Variants in DMD observed in about 807,000 individuals in gnomAD.
DMD encodes the protein dystrophin.
In DMD, 63 loss-of-function variants were observed where a neutral mutation model predicts 330.1. The ratio of observed to expected loss-of-function variants is 0.19; its 90% CI spans 0.16 to 0.24. The LOEUF (loss-of-function observed/expected upper bound fraction) is 0.24. DMD is among the 10% of genes least tolerant of loss of function. DMD has a pLI of 1.00. For synonymous variants in DMD, 1,223 were observed against 959.8 expected, an observed-to-expected ratio of 1.27 and a Z score of -5.07; for missense variants, 3,344 against 2,684.1, an observed-to-expected ratio of 1.25 and a Z score of -5.43.
At chrX:31,703,351 C>T (rs2083949507) in intron 52 of DMD, among the ~76,000 whole-genome samples, 1 of 112,309 alleles carries the variant, frequency 8.9e-6, no homozygotes, top group African/African-American at 3.2e-5. Flanking sequence ...TACAATGTTA[C>T]CACACACCTC....
At chrX:32,762,761 G>T (rs186185651) in intron 7 of DMD, among the ~76,000 whole-genome samples, 14 of 110,848 alleles carry the variant, frequency 1.3e-4, no homozygotes, top group African/African-American at 4.3e-4. Context: ...ACAGGGTCTT[G>T]CTGGCTGCTT....
intron 60 of DMD, among the ~76,000 whole-genome samples, chrX:31,431,842 G>C (rs1323028632): frequency 9.3e-6 from 1 of 107,602 alleles, no homozygotes; most frequent in African/African-American, 3.4e-5. Flanking sequence ...TTTAGATGGA[G>C]TCTCCCTCTC....
chrX:32,478,892 C>T (rs1052913036), intron 21 of DMD, among the ~76,000 whole-genome samples: 1 of 110,780 alleles, frequency 9.0e-6, no homozygotes, highest in Non-Finnish European at 1.9e-5. Context: ...TTTTATAAGT[C>T]ATAAAACTCC....
At chrX:31,342,277 T>C (rs2057815672) in intron 61 of DMD, among the ~76,000 whole-genome samples, 1 of 111,789 alleles carries the variant, frequency 8.9e-6, no homozygotes, top group Non-Finnish European at 1.9e-5. Context: ...CTACAACCTT[T>C]AGCAGAAATT....
At chrX:31,417,155 C>G (rs2061911621) in intron 60 of DMD, among the ~76,000 whole-genome samples, 2 of 112,105 alleles carry the variant, frequency 1.8e-5, no homozygotes, top group African/African-American at 6.5e-5. Flanking sequence ...CAGGAATGTT[C>G]ATTTGTTCCA....
chrX:31,330,479 C>G (rs950975335), intron 61 of DMD, among the ~76,000 whole-genome samples: 3 of 111,407 alleles, frequency 2.7e-5, no homozygotes, highest in African/African-American at 9.8e-5. Flanking sequence ...CACTAGTGAT[C>G]AGAGGCTGAA....
intron 43 of DMD, among the ~76,000 whole-genome samples, chrX:32,252,317 C>A (rs565037981): frequency 9.1e-6 from 1 of 110,065 alleles, no homozygotes; most frequent in South Asian, 3.8e-4. Context: ...TGCAGCATTT[C>A]TTTTTGTTAG....
intron 44 of DMD, among the ~76,000 whole-genome samples, chrX:32,060,325 A>G (rs1318923963): frequency 1.8e-5 from 2 of 111,654 alleles, no homozygotes; most frequent in Non-Finnish European, 3.8e-5. Context: ...TAAGAGACCT[A>G]GAAAAAAACT....
intron 53 of DMD, among the ~76,000 whole-genome samples, chrX:31,667,432 G>A (rs2081493118): frequency 9.0e-6 from 1 of 110,523 alleles, no homozygotes. Context: ...TTTTATTTCT[G>A]TTCAGCATAC....
chrX:32,966,850 C>A (rs983776388), intron 2 of DMD, among the ~76,000 whole-genome samples: 2 of 112,068 alleles, frequency 1.8e-5, no homozygotes, highest in East Asian at 5.6e-4. Context: ...TGATAAACAT[C>A]CTGCAGGGAC....
chrX:33,301,798 G>T (rs2053666764), intron 1 of DMD, among the ~76,000 whole-genome samples: 1 of 110,964 alleles, frequency 9.0e-6, no homozygotes, highest in East Asian at 2.9e-4. Flanking sequence ...CATTCATTAG[G>T]GCTCTGCCCT....
At chrX:32,806,486 A>G (rs1040363752) in intron 7 of DMD, among the ~76,000 whole-genome samples, 14 of 110,953 alleles carry the variant, frequency 1.3e-4, no homozygotes, top group African/African-American at 4.3e-4. Context: ...CAGACTCCCA[A>G]ACAATAATAG....
chrX:32,366,029 G>C (rs1341502155), intron 34 of DMD, among the ~76,000 whole-genome samples: 2 of 111,857 alleles, frequency 1.8e-5, no homozygotes, highest in Non-Finnish European at 3.8e-5. Flanking sequence ...CCCAATCCAA[G>C]TTCACAGACC....
intron 52 of DMD, among the ~76,000 whole-genome samples, chrX:31,689,367 C>CA (rs1282223099): frequency 1.8e-5 from 2 of 111,728 alleles, no homozygotes; most frequent in African/African-American, 6.5e-5. Context: ...CTCTCATTCA[C>CA]AATTGCTTCA....
chrX:31,484,360 C>T (rs986960007), intron 57 of DMD, among the ~76,000 whole-genome samples: 4 of 111,686 alleles, frequency 3.6e-5, no homozygotes, highest in African/African-American at 6.5e-5. Flanking sequence ...ATACAGAATA[C>T]GTATTTACAA....
intron 54 of DMD, among the ~76,000 whole-genome samples, chrX:31,656,943 A>G (rs1334753847): frequency 7.2e-5 from 8 of 111,418 alleles, no homozygotes; most frequent in Middle Eastern, 4.6e-3. Context: ...ATTCAGCTTC[A>G]CAGGAGTTTT....
At chrX:32,518,215 A>G (rs759206707) in intron 17 of DMD, 84 bp from the exon 18 acceptor site, 1 of 979,607 alleles carries the variant, frequency 1.0e-6, no homozygotes, top group South Asian at 2.1e-5. Flanking sequence ...CACATTTATC[A>G]TTCTTTTCTC....
intron 64 of DMD, among the ~76,000 whole-genome samples, chrX:31,218,366 G>A (rs2045625945): frequency 9.4e-6 from 1 of 105,946 alleles, no homozygotes; most frequent in African/African-American, 3.4e-5. Context: ...TCTGGGATGG[G>A]GCAGGGGCAG....
At chrX:32,449,538 T>G (rs754795836) in intron 26 of DMD, among the ~76,000 whole-genome samples, 2 of 109,020 alleles carry the variant, frequency 1.8e-5, no homozygotes, top group Non-Finnish European at 3.8e-5. Flanking sequence ...GTAAAGCTTT[T>G]AAACCCTCCC....
Sources: gnomAD v4.1 joint callset for allele counts (sites outside exome capture counted in the v4.1 genomes callset) on GRCh38, gnomAD v4.1.1 for gene constraint, MANE v1.5 for transcripts, NCBI Gene and HGNC (gene_info 2026-07-23, HGNC 2026-07-21) for gene names.